Variants in SORCS1 observed in about 807,000 individuals in gnomAD.
The protein encoded by SORCS1 is sortilin related VPS10 domain containing receptor 1.
In SORCS1, 60 loss-of-function variants were observed where a neutral mutation model predicts 146.1. The observed-to-expected ratio is 0.41, with a 90% CI of 0.33 to 0.51. The LOEUF (loss-of-function observed/expected upper bound fraction) is 0.51, where lower values mean the gene tolerates loss of function less well. SORCS1 is among the 20% of genes least tolerant of loss of function. SORCS1 has a pLI of 0.21. For synonymous variants in SORCS1, 637 were observed against 584.0 expected (o/e 1.09, Z -1.31); for missense variants, 1,352 against 1,487.6 (o/e 0.91, Z 1.50).
chr10:106,709,130 T>C, intron 7 of SORCS1, 93 bp downstream of exon 7: 1 of 912,766 alleles, frequency 1.1e-6, no homozygotes, highest in Non-Finnish European at 1.7e-6. Flanking sequence ...TCCTCTCTTT[T>C]TGACTCTTAA....
chr10:106,611,398 C>T (rs550705655), intron 22 of SORCS1, among the ~76,000 whole-genome samples: 1 of 152,068 alleles, frequency 6.6e-6, no homozygotes, highest in East Asian at 1.9e-4. Context: ...ACAGAAATTT[C>T]TTTAAAAAAA....
intron 18 of SORCS1, among the ~76,000 whole-genome samples, chr10:106,641,846 A>G (rs1589544305): frequency 1.3e-5 from 2 of 152,094 alleles, no homozygotes; most frequent in East Asian, 3.8e-4. Flanking sequence ...TCCAATGGAT[A>G]TAAGGTGTTA....
the SORCS1 span, among the ~76,000 whole-genome samples, chr10:107,179,775 TG>T: frequency 2.0e-5 from 3 of 152,200 alleles, no homozygotes; most frequent in Non-Finnish European, 4.4e-5. Context: ...GATTTTACAT[TG>T]TTGAGTTTTG....
At chr10:107,008,639 T>C (rs906406868) in intron 1 of SORCS1, among the ~76,000 whole-genome samples, 6 of 152,234 alleles carry the variant, frequency 3.9e-5, no homozygotes, top group Admixed American at 2.0e-4. Context: ...ACATTCTGCA[T>C]ACTGGATAAA....
At chr10:106,816,407 G>T (rs916491926) in intron 3 of SORCS1, among the ~76,000 whole-genome samples, 7 of 152,210 alleles carry the variant, frequency 4.6e-5, no homozygotes, top group African/African-American at 1.7e-4. Context: ...CATATAATTT[G>T]ATAGGTAGAG....
At chr10:107,143,751 G>A (rs957583841) in intron 1 of SORCS1, among the ~76,000 whole-genome samples, 1 of 151,952 alleles carries the variant, frequency 6.6e-6, no homozygotes, top group South Asian at 2.1e-4. Flanking sequence ...TGATCTGCCC[G>A]CCTTGGCCTC....
chr10:107,035,346 G>A (rs1174533744), intron 1 of SORCS1, among the ~76,000 whole-genome samples: 1 of 150,568 alleles, frequency 6.6e-6, no homozygotes, highest in Non-Finnish European at 1.5e-5. Context: ...GGAAAGCATA[G>A]TGAATCAGGT....
chr10:106,591,204 CA>C (rs1564751230), intron 24 of SORCS1, among the ~76,000 whole-genome samples: 2 of 152,166 alleles, frequency 1.3e-5, no homozygotes, highest in South Asian at 4.1e-4. Context: ...CTTTTGGTAA[CA>C]GTCGCCTGCC....
chr10:107,142,725 C>T (rs1967949560), intron 1 of SORCS1, among the ~76,000 whole-genome samples: 1 of 152,132 alleles, frequency 6.6e-6, no homozygotes, highest in South Asian at 2.1e-4. Flanking sequence ...TCTTCAATGC[C>T]ATCATCACTA....
rs1292717029 is a variant in SORCS1 at position 106,860,798 on chromosome 10, C to A, written c.627-31125G>T. 2.0e-5 allele frequency among the ~76,000 whole-genome samples: 3 copies of A among 152,178 alleles called. No homozygotes were observed. The East Asian group carries it at 5.8e-4, about 29-fold the overall frequency. On this transcript the variant is annotated intron_variant, in intron 2 of 25. Transcript: ENST00000263054. ...ATCACCTGCCTTCCAAACAACGAAC[C>A]ACTGCTGTTTGTAATATTGGCGAGT...
At chr10:106,890,544 T>C (rs1029039893) in intron 2 of SORCS1, among the ~76,000 whole-genome samples, 3 of 152,128 alleles carry the variant, frequency 2.0e-5, no homozygotes, top group African/African-American at 7.2e-5. Context: ...GAGGCATTAG[T>C]GATGGGAAAA....
intron 6 of SORCS1, among the ~76,000 whole-genome samples, chr10:106,717,581 A>C (rs1855468673): frequency 6.6e-6 from 1 of 152,200 alleles, no homozygotes; most frequent in Admixed American, 6.5e-5. Flanking sequence ...GTTGGCCTTC[A>C]GGCATTCAGG....
At chr10:107,099,660 T>G (rs1217182368) in intron 1 of SORCS1, among the ~76,000 whole-genome samples, 2 of 152,200 alleles carry the variant, frequency 1.3e-5, no homozygotes, top group African/African-American at 4.8e-5. Context: ...TGGTATGCAT[T>G]TGAAATTTGT....
intron 1 of SORCS1, among the ~76,000 whole-genome samples, chr10:107,071,754 C>G (rs1048989807): frequency 3.3e-5 from 5 of 152,266 alleles, no homozygotes; most frequent in African/African-American, 1.2e-4. Flanking sequence ...GGACAGAAAC[C>G]ACATCACTTA....
At chr10:107,113,461 G>A (rs1965823203) in intron 1 of SORCS1, among the ~76,000 whole-genome samples, 1 of 152,104 alleles carries the variant, frequency 6.6e-6, no homozygotes, top group South Asian at 2.1e-4. Context: ...GGCTGAGGCA[G>A]ATGGATCACG....
chr10:106,884,485 T>A lies in SORCS1; in HGVS notation c.627-54812A>T, dbSNP rs555336675. Among the ~76,000 whole-genome samples the A allele has an allele frequency of 2.6e-5, 4 of 152,288 alleles. No individual in the cohort carries two copies. The South Asian group carries it at 8.3e-4, about 32-fold the overall frequency. On this transcript the variant is annotated intron_variant, in intron 2 of 25. Coordinates refer to ENST00000263054, the MANE Select transcript of SORCS1 (RefSeq NM_052918.5). ...CCATTTAGGGAGATTTCAATTCCCA[T>A]TAATAATATGTGCAATTGATCTACA...
chr10:107,051,473 T>C (rs968397876), intron 1 of SORCS1, among the ~76,000 whole-genome samples: 6 of 152,164 alleles, frequency 3.9e-5, no homozygotes, highest in Non-Finnish European at 8.8e-5. Context: ...ATGTTTCTAG[T>C]TGTCAACGCC....
chr10:107,070,639 A>G (rs1962337422), intron 1 of SORCS1, among the ~76,000 whole-genome samples: 2 of 152,192 alleles, frequency 1.3e-5, no homozygotes, highest in African/African-American at 4.8e-5. Context: ...TATTCTTTAA[A>G]TCCATTCTAT....
chr10:106,652,491 G>T lies in SORCS1; in HGVS notation c.2366C>A (p.Pro789Gln), dbSNP rs61734226. 4,319 of 1,614,066 alleles carry T rather than the reference G, an allele frequency of 2.7e-3. 97 individuals are homozygous for T. In the African/African-American group the frequency reaches 0.049, roughly 18 times the overall value. The change falls in exon 18 of 26, where the codon CCG (proline) becomes CAG (glutamine). Residue 789 changes from proline to glutamine, a missense_variant. Physicochemically the swap from Pro to Gln is moderately conservative, Grantham distance 76 (BLOSUM62 -1). Transcript: ENST00000263054. Reference protein sequence around the residue: ...DGVREQYTAKPQKCPGKAPRG... With the variant: ...DGVREQYTAKQQKCPGKAPRG... ...CGGGGCTTTCCCTGGGCACTTCTGC[G>T]GTTTGGCAGTGTACTGTTCCCTTAC...
Sources: allele counts gnomAD v4.1 joint callset (sites outside exome capture counted in the v4.1 genomes callset), GRCh38; gene constraint gnomAD v4.1.1; transcripts MANE v1.5; gene names NCBI Gene and HGNC (gene_info 2026-07-23, HGNC 2026-07-21).